The following OTUD7A variants were observed in gnomAD, a reference collection of about 807,000 sequenced individuals.
OTUD7A encodes the protein OTU domain-containing protein 7A.
A neutral mutation model predicts 65.7 loss-of-function variants in OTUD7A; 12 were observed. The observed-to-expected ratio is 0.18, with a 90% CI of 0.12 to 0.30. The LOEUF is 0.30. Ranked by LOEUF, OTUD7A falls within the 10% of genes least tolerant of loss-of-function variation. The pLI is 1.00. For synonymous variants in OTUD7A, 641 were observed against 586.3 expected, an observed-to-expected ratio of 1.09 and a Z score of -1.35; for missense variants, 1,148 against 1,304.8, an observed-to-expected ratio of 0.88 and a Z score of 1.85.
At chr15:31,776,276 C>T (rs1027606054) in intron 1 of OTUD7A, among the ~76,000 whole-genome samples, 19 of 152,204 alleles carry the variant, frequency 1.2e-4, no homozygotes, top group African/African-American at 1.9e-4. Flanking sequence ...TTCCAGATAG[C>T]GACACATGTA....
chr15:31,809,908 G>A (rs552175859), intron 1 of OTUD7A, among the ~76,000 whole-genome samples: 12 of 152,300 alleles, frequency 7.9e-5, no homozygotes, highest in East Asian at 3.9e-4. Context: ...TTCTTAGTCC[G>A]TTAAAGACTT....
At chr15:31,559,676 A>G (rs1206590031) in intron 4 of OTUD7A, among the ~76,000 whole-genome samples, 1 of 151,622 alleles carries the variant, frequency 6.6e-6, no homozygotes, top group Non-Finnish European at 1.5e-5. Flanking sequence ...TATACTACAC[A>G]CATATATACA....
intron 1 of OTUD7A, among the ~76,000 whole-genome samples, chr15:31,850,047 G>A (rs144618345): frequency 9.2e-5 from 14 of 151,948 alleles, no homozygotes; most frequent in African/African-American, 1.7e-4. Flanking sequence ...TCAACCCAGC[G>A]ATCCCATTAC....
intron 1 of OTUD7A, among the ~76,000 whole-genome samples, chr15:31,855,881 T>C (rs560954357): frequency 6.6e-6 from 1 of 152,236 alleles, no homozygotes; most frequent in Non-Finnish European, 1.5e-5. Flanking sequence ...GAATGGAGGC[T>C]ATAGTTGCTC....
chr15:31,848,656 T>C (rs1324242643), intron 1 of OTUD7A, among the ~76,000 whole-genome samples: 3 of 152,184 alleles, frequency 2.0e-5, no homozygotes, highest in African/African-American at 7.2e-5. Context: ...CTCTTCCATA[T>C]CCAATGCTTT....
At chr15:31,489,150 C>T (rs926354766) in intron 10 of OTUD7A, among the ~76,000 whole-genome samples, 3 of 152,150 alleles carry the variant, frequency 2.0e-5, no homozygotes, top group Non-Finnish European at 2.9e-5. Flanking sequence ...GGGTTAGCCT[C>T]GCTTCTTACT....
intron 1 of OTUD7A, among the ~76,000 whole-genome samples, chr15:31,810,229 G>A (rs1896384144): frequency 6.6e-6 from 1 of 152,152 alleles, no homozygotes; most frequent in African/African-American, 2.4e-5. Context: ...TGGGACAACA[G>A]GGATGCTAAG....
At chr15:31,656,824 A>T (rs1375930761) in intron 2 of OTUD7A, among the ~76,000 whole-genome samples, 159 bp downstream of exon 2, 2 of 152,042 alleles carry the variant, frequency 1.3e-5, no homozygotes, top group African/African-American at 4.8e-5. Flanking sequence ...AATGCAGGAA[A>T]TGAGCTCACC....
intron 1 of OTUD7A, among the ~76,000 whole-genome samples, chr15:31,744,111 AGAAAATCGTATTTATTAT>A (rs1297072683): frequency 6.6e-6 from 1 of 152,248 alleles, no homozygotes; most frequent in Non-Finnish European, 1.5e-5. Context: ...GTATCTGCTA[AGAAAATCGTATTTATTAT>A]GAAAATTCTT....
At chr15:31,497,335 C>T (rs966732438) in intron 10 of OTUD7A, among the ~76,000 whole-genome samples, 1 of 152,052 alleles carries the variant, frequency 6.6e-6, no homozygotes, top group Non-Finnish European at 1.5e-5. Flanking sequence ...CTGCAACCTC[C>T]ACCTCCCAGG....
chr15:31,797,443 G>A (rs1034228022), intron 1 of OTUD7A, among the ~76,000 whole-genome samples: 3 of 152,120 alleles, frequency 2.0e-5, no homozygotes, highest in Admixed American at 6.5e-5. Flanking sequence ...CATTAATACC[G>A]AGTCTAAGCA....
chr15:31,516,915 G>A (rs1450638967), intron 8 of OTUD7A, among the ~76,000 whole-genome samples: 1 of 152,170 alleles, frequency 6.6e-6, no homozygotes, highest in Non-Finnish European at 1.5e-5. Flanking sequence ...TTCCCATTGT[G>A]GCGGTGGATT....
At chr15:31,770,854 T>C (rs1313704104) in intron 1 of OTUD7A, among the ~76,000 whole-genome samples, 7 of 152,194 alleles carry the variant, frequency 4.6e-5, no homozygotes, top group African/African-American at 2.4e-5. Context: ...AAATCTACCA[T>C]CTATTCATGA....
intron 5 of OTUD7A, among the ~76,000 whole-genome samples, chr15:31,552,118 C>T (rs1888344044): frequency 6.6e-6 from 1 of 152,150 alleles, no homozygotes; most frequent in South Asian, 2.1e-4. Context: ...AGTCTGGCAC[C>T]TCCTCTCTTG....
At chr15:31,535,674 GTTT>G (rs55826357) in intron 5 of OTUD7A, among the ~76,000 whole-genome samples, 151 of 112,032 alleles carry the variant, frequency 1.3e-3, no homozygotes, top group African/African-American at 5.1e-3. Flanking sequence ...TTCTGTTTTT[GTTT>G]TTTTTTTTTT....
intron 1 of OTUD7A, among the ~76,000 whole-genome samples, chr15:31,774,082 A>G (rs1259560181): frequency 6.6e-6 from 1 of 152,232 alleles, no homozygotes; most frequent in Non-Finnish European, 1.5e-5. Context: ...GCCATGCACT[A>G]TGAGAGAATA....
intron 5 of OTUD7A, among the ~76,000 whole-genome samples, chr15:31,554,860 C>G (rs1046180178): frequency 6.6e-6 from 1 of 152,154 alleles, no homozygotes; most frequent in African/African-American, 2.4e-5. Flanking sequence ...CATTAAAGAA[C>G]GAAAGGTGTT....
chr15:31,767,414 A>G (rs1472398226), intron 1 of OTUD7A: 3 of 775,076 alleles, frequency 3.9e-6, no homozygotes, highest in South Asian at 2.7e-5. Context: ...CAAATCCAAC[A>G]TAAGTTGGAT....
intron 1 of OTUD7A, among the ~76,000 whole-genome samples, chr15:31,760,499 T>C (rs1159916077): frequency 6.6e-6 from 1 of 152,258 alleles, no homozygotes; most frequent in African/African-American, 2.4e-5. Flanking sequence ...ATTAGAATTT[T>C]AGTTTTGCAG....
Sources: gnomAD v4.1 joint callset for allele counts (sites outside exome capture counted in the v4.1 genomes callset) on GRCh38, gnomAD v4.1.1 for gene constraint, MANE v1.5 for transcripts, NCBI Gene and HGNC (gene_info 2026-07-23, HGNC 2026-07-21) for gene names.